The following STX8 variants were observed in gnomAD, a reference collection of about 807,000 sequenced individuals.
STX8 encodes syntaxin 8.
Under a neutral mutation model 37.5 loss-of-function variants are expected in STX8, and 23 were observed. That is an observed-to-expected ratio of 0.61 (90% CI 0.44 to 0.87). The LOEUF (loss-of-function observed/expected upper bound fraction) is 0.87, where lower values mean the gene tolerates loss of function less well. Among genes scored for constraint, STX8 ranks in the 40% least tolerant of loss-of-function variants. The probability of loss-of-function intolerance (pLI) is 0.00; values close to 1 mark genes in which losing one functional copy is unlikely to be tolerated. For synonymous variants in STX8, 115 were observed against 99.1 expected, an observed-to-expected ratio of 1.16 and a Z score of -0.95; for missense variants, 313 against 284.7, an observed-to-expected ratio of 1.10 and a Z score of -0.71.
chr17:9,493,276 T>C (rs1906936111), intron 5 of STX8, among the ~76,000 whole-genome samples: 1 of 152,088 alleles, frequency 6.6e-6, no homozygotes, highest in Non-Finnish European at 1.5e-5. Flanking sequence ...AAATAAAAAA[T>C]AATTTGAAAA....
chr17:9,330,705 C>T (rs1420299296), intron 7 of STX8, among the ~76,000 whole-genome samples: 1 of 152,222 alleles, frequency 6.6e-6, no homozygotes, highest in African/African-American at 2.4e-5. Flanking sequence ...GCACTCGCTC[C>T]TGCCTCCAGT....
At chr17:9,253,243 T>TGTGTGTGTGA (rs1164841771) in intron 7 of STX8, among the ~76,000 whole-genome samples, 3 of 151,070 alleles carry the variant, frequency 2.0e-5, no homozygotes, top group Admixed American at 6.6e-5. Context: ...TGTGTGTGTG[T>TGTGTGTGTGA]GAATATCTTA....
At chr17:9,264,291 T>C (rs1483684682) in intron 7 of STX8, among the ~76,000 whole-genome samples, 1 of 152,144 alleles carries the variant, frequency 6.6e-6, no homozygotes, top group Admixed American at 6.5e-5. Context: ...TGTTTTACAT[T>C]GCCAAATTTG....
chr17:9,269,168 T>C (rs976827102), intron 7 of STX8, among the ~76,000 whole-genome samples: 46 of 140,742 alleles, frequency 3.3e-4, no homozygotes, highest in Middle Eastern at 7.9e-3. Flanking sequence ...GCCTGGGCGA[T>C]AGAGCAAGAC....
At chr17:9,496,060 T>G (rs1904385635) in intron 5 of STX8, among the ~76,000 whole-genome samples, 1 of 103,808 alleles carries the variant, frequency 9.6e-6, no homozygotes. Context: ...TACCATGCAG[T>G]TTCTTTTTCT....
intron 4 of STX8, among the ~76,000 whole-genome samples, chr17:9,534,157 C>T (rs186654626): frequency 1.1e-4 from 16 of 149,520 alleles, no homozygotes; most frequent in African/African-American, 2.5e-4. Flanking sequence ...ATATTAATAA[C>T]GGACATTAAT....
At chr17:9,341,000 TTA>T (rs940554181) in intron 7 of STX8, among the ~76,000 whole-genome samples, 10 of 145,562 alleles carry the variant, frequency 6.9e-5, no homozygotes, top group East Asian at 3.9e-4. Context: ...AAATTATAAA[TTA>T]TATATATAAA....
intron 6 of STX8, among the ~76,000 whole-genome samples, chr17:9,450,642 T>C (rs1434742058): frequency 2.0e-5 from 3 of 150,236 alleles, no homozygotes; most frequent in Non-Finnish European, 2.9e-5. Context: ...CTAGCTATAA[T>C]ATAAATTGAT....
intron 6 of STX8, among the ~76,000 whole-genome samples, chr17:9,386,130 C>T (rs1041139660): frequency 1.1e-4 from 15 of 140,942 alleles, no homozygotes; most frequent in Non-Finnish European, 3.1e-5. Flanking sequence ...AAAGCCTGTA[C>T]AAAAATATAC....
At chr17:9,491,775 G>C (rs1052246616) in intron 6 of STX8, 54 bp downstream of exon 6, 2 of 1,430,462 alleles carry the variant, frequency 1.4e-6, no homozygotes, top group African/African-American at 2.8e-5. Context: ...AAATGCTCAA[G>C]CCTTTAGTAT....
chr17:9,297,857 TG>T (rs1329229467), intron 7 of STX8, among the ~76,000 whole-genome samples: 1 of 152,106 alleles, frequency 6.6e-6, no homozygotes, highest in Non-Finnish European at 1.5e-5. Flanking sequence ...AATAAATGAA[TG>T]TTTGTTAGCT....
At chr17:9,341,070 A>G (rs1392477442) in intron 7 of STX8, among the ~76,000 whole-genome samples, 1 of 150,524 alleles carries the variant, frequency 6.6e-6, no homozygotes, top group Non-Finnish European at 1.5e-5. Flanking sequence ...ATTATAAGGG[A>G]CTCTTTTCTC....
At chr17:9,382,628 A>C (rs1911862860) in intron 6 of STX8, among the ~76,000 whole-genome samples, 1 of 152,212 alleles carries the variant, frequency 6.6e-6, no homozygotes, top group South Asian at 2.1e-4. Context: ...TTTGCTATGA[A>C]ACTCACTATA....
At chr17:9,278,810 G>A (rs1241478473) in intron 7 of STX8, among the ~76,000 whole-genome samples, 1 of 151,978 alleles carries the variant, frequency 6.6e-6, no homozygotes, top group Admixed American at 6.6e-5. Context: ...TGGGTGCAGG[G>A]GGTACCGTGA....
chr17:9,503,657 C>T (rs979412051), intron 5 of STX8, among the ~76,000 whole-genome samples: 3 of 152,152 alleles, frequency 2.0e-5, no homozygotes, highest in Non-Finnish European at 4.4e-5. Flanking sequence ...CAGGCATGTG[C>T]CACCAGGCCT....
intron 6 of STX8, among the ~76,000 whole-genome samples, chr17:9,395,647 C>T (rs1597645309): frequency 1.3e-5 from 2 of 152,104 alleles, no homozygotes; most frequent in African/African-American, 2.4e-5. Flanking sequence ...TTGGGTTTGT[C>T]CTGCTGTTCT....
At chr17:9,318,204 G>A (rs1434251741) in intron 7 of STX8, among the ~76,000 whole-genome samples, 1 of 152,160 alleles carries the variant, frequency 6.6e-6, no homozygotes, top group Non-Finnish European at 1.5e-5. Flanking sequence ...TATGTGCCAT[G>A]TTGGTTTGCT....
chr17:9,460,500 C>T (rs899976511), intron 6 of STX8, among the ~76,000 whole-genome samples: 1 of 151,934 alleles, frequency 6.6e-6, no homozygotes, highest in Non-Finnish European at 1.5e-5. Flanking sequence ...TGGCAAAACC[C>T]CATCTCTACT....
At chr17:9,267,991 A>G (rs1907290788) in intron 7 of STX8, among the ~76,000 whole-genome samples, 2 of 48,314 alleles carry the variant, frequency 4.1e-5, no homozygotes, top group South Asian at 1.2e-3. Flanking sequence ...AACTCTGCCT[A>G]AAAAGAAAAA....
Sources: allele counts gnomAD v4.1 joint callset (sites outside exome capture counted in the v4.1 genomes callset), GRCh38; gene constraint gnomAD v4.1.1; transcripts MANE v1.5; gene names NCBI Gene and HGNC (gene_info 2026-07-23, HGNC 2026-07-21).